Variants in IFT25 observed in about 807,000 individuals in gnomAD.
IFT25 encodes the protein intraflagellar transport protein 25 homolog.
chr1:53,944,347 T>C, the IFT25 span, among the ~76,000 whole-genome samples: 3 of 152,108 alleles, frequency 2.0e-5, no homozygotes, highest in African/African-American at 7.2e-5. Context: ...CCCTCTCTAC[T>C]AAAAATTCAA....
At chr1:53,931,144 C>T in the IFT25 span, among the ~76,000 whole-genome samples, 1 of 152,144 alleles carries the variant, frequency 6.6e-6, no homozygotes. Flanking sequence ...TTTCTATCAC[C>T]ACCAACTATG....
the IFT25 span, chr1:53,928,655 C>T: frequency 4.2e-6 from 2 of 474,852 alleles, no homozygotes; most frequent in East Asian, 3.3e-5. Flanking sequence ...CGCAACCATA[C>T]AACACAGAGC....
chr1:53,933,787 C>T, the IFT25 span, among the ~76,000 whole-genome samples: 3 of 152,060 alleles, frequency 2.0e-5, no homozygotes, highest in African/African-American at 7.3e-5. Context: ...CCCTCCTATT[C>T]TTGTCCTGTT....
chr1:53,927,846 T>C, the IFT25 span, among the ~76,000 whole-genome samples: 1 of 152,248 alleles, frequency 6.6e-6, no homozygotes, highest in Non-Finnish European at 1.5e-5. Context: ...TAATATACAC[T>C]GATCTCTCAC....
the IFT25 span, among the ~76,000 whole-genome samples, chr1:53,918,003 G>A: frequency 4.7e-4 from 72 of 152,156 alleles, no homozygotes; most frequent in Non-Finnish European, 8.2e-4. Flanking sequence ...CAGGTCGCTT[G>A]CCCTGTAGGA....
the IFT25 span, among the ~76,000 whole-genome samples, chr1:53,925,534 G>A: frequency 4.0e-5 from 6 of 151,340 alleles, no homozygotes; most frequent in African/African-American, 7.3e-5. Flanking sequence ...GCATGGTGGC[G>A]GGCACCTGTA....
the IFT25 span, among the ~76,000 whole-genome samples, chr1:53,920,711 A>C: frequency 9.9e-5 from 15 of 152,258 alleles, no homozygotes; most frequent in Admixed American, 4.6e-4. Context: ...TCACGCCTGC[A>C]AACCCAATGC....
At chr1:53,946,012 CT>C in the IFT25 span, 1 of 148,882 alleles carries the variant, frequency 6.7e-6, no homozygotes, top group East Asian at 2.0e-4. Context: ...CCTCCTACCC[CT>C]AGCTCTTAGC....
the IFT25 span, chr1:53,921,917 T>G: frequency 1.7e-6 from 1 of 586,856 alleles, no homozygotes; most frequent in Non-Finnish European, 3.0e-6. Flanking sequence ...TTGTGGTACA[T>G]ATCAGCTAAA....
chr1:53,939,667 G>A, the IFT25 span: 36 of 276,340 alleles, frequency 1.3e-4, 1 homozygote, highest in Non-Finnish European at 2.1e-4. Flanking sequence ...CAAGAAAAAC[G>A]GAGTAAAACC....
the IFT25 span, among the ~76,000 whole-genome samples, chr1:53,938,708 A>G: frequency 6.6e-6 from 1 of 152,220 alleles, no homozygotes; most frequent in Non-Finnish European, 1.5e-5. Context: ...AGATGATTCT[A>G]TGAGTCAAAC....
the IFT25 span, among the ~76,000 whole-genome samples, chr1:53,913,016 C>T: frequency 2.0e-5 from 3 of 152,324 alleles, no homozygotes; most frequent in East Asian, 3.9e-4. Flanking sequence ...CCATTGTACT[C>T]ATGAGCCAGC....
chr1:53,944,275 G>A, the IFT25 span, among the ~76,000 whole-genome samples: 1 of 152,130 alleles, frequency 6.6e-6, no homozygotes, highest in African/African-American at 2.4e-5. Context: ...AGGCCGAGGT[G>A]GGCGAACAGC....
the IFT25 span, among the ~76,000 whole-genome samples, chr1:53,934,066 C>G: frequency 6.0e-3 from 906 of 152,118 alleles, 9 homozygotes; most frequent in African/African-American, 0.021. Context: ...GAAAAAAAGG[C>G]AGTCTTTTAT....
the IFT25 span, among the ~76,000 whole-genome samples, chr1:53,936,733 C>T: frequency 3.3e-5 from 5 of 152,106 alleles, no homozygotes; most frequent in South Asian, 2.1e-4. Context: ...TATTCTTCTA[C>T]ACTACACCAA....
At chr1:53,919,694 T>C in the IFT25 span, among the ~76,000 whole-genome samples, 1 of 152,196 alleles carries the variant, frequency 6.6e-6, no homozygotes, top group African/African-American at 2.4e-5. Flanking sequence ...TAGATTCAGA[T>C]CCCTGCATTG....
chr1:53,938,904 G>A, the IFT25 span, among the ~76,000 whole-genome samples: 1 of 151,252 alleles, frequency 6.6e-6, no homozygotes, highest in Non-Finnish European at 1.5e-5. Flanking sequence ...GAGAAACCCC[G>A]TCTCTACTAA....
the IFT25 span, among the ~76,000 whole-genome samples, chr1:53,930,451 T>C: frequency 2.0e-5 from 3 of 152,170 alleles, no homozygotes; most frequent in African/African-American, 4.8e-5. Context: ...GGTTCCACCA[T>C]TAAGTTATAG....
the IFT25 span, among the ~76,000 whole-genome samples, chr1:53,936,326 T>C: frequency 6.6e-6 from 1 of 152,082 alleles, no homozygotes. Context: ...GGTGCATGCC[T>C]GTAGTCCCAG....
Sources: allele counts gnomAD v4.1 joint callset (sites outside exome capture counted in the v4.1 genomes callset), GRCh38; gene constraint gnomAD v4.1.1; transcripts MANE v1.5; gene names NCBI Gene and HGNC (gene_info 2026-07-23, HGNC 2026-07-21).